The following VMA22 variants were observed in gnomAD, a reference collection of about 807,000 sequenced individuals.
The protein encoded by VMA22 is vacuolar ATPase assembly protein VMA22.
chr2:130,339,574 C>T, the VMA22 span: 27 of 1,288,010 alleles, frequency 2.1e-5, no homozygotes, highest in Non-Finnish European at 2.7e-5. Flanking sequence ...TCTCCCTCCA[C>T]TTCTTTTCTC....
chr2:130,339,540 C>T, the VMA22 span: 2 of 1,273,062 alleles, frequency 1.6e-6, no homozygotes, highest in Non-Finnish European at 2.0e-6. Context: ...CCCATTATTA[C>T]AGCATCTCTC....
the VMA22 span, chr2:130,342,331 C>A: frequency 1.1e-6 from 1 of 895,818 alleles, no homozygotes; most frequent in Non-Finnish European, 1.7e-6. Flanking sequence ...CAACTGGTTT[C>A]TCCAATTAGC....
At chr2:130,342,679 G>T in the VMA22 span, 1 of 533,288 alleles carries the variant, frequency 1.9e-6, no homozygotes, top group East Asian at 2.9e-5. Context: ...ATATTTATTA[G>T]CTGCGGTCCT....
At chr2:130,342,288 C>A in the VMA22 span, 1 of 1,386,062 alleles carries the variant, frequency 7.2e-7, no homozygotes, top group Non-Finnish European at 9.8e-7. Context: ...TAAGGGCAAG[C>A]GCCCTTAGAG....
At chr2:130,339,903 A>G in the VMA22 span, 1 of 1,110,202 alleles carries the variant, frequency 9.0e-7, no homozygotes, top group South Asian at 1.5e-5. Flanking sequence ...AAACTTTGGA[A>G]TTTAAACACC....
chr2:130,341,695 G>T, the VMA22 span: 4 of 1,611,740 alleles, frequency 2.5e-6, no homozygotes, highest in South Asian at 1.1e-5. Flanking sequence ...CCTCCTCTGG[G>T]GCGTGGACAC....
chr2:130,342,472 C>A, the VMA22 span: 1 of 521,684 alleles, frequency 1.9e-6, no homozygotes, highest in South Asian at 3.0e-5. Context: ...CTACAGAAAC[C>A]ATTTTGGTTG....
the VMA22 span, chr2:130,342,359 T>G: frequency 1.1e-5 from 8 of 715,206 alleles, no homozygotes; most frequent in African/African-American, 1.8e-5. Context: ...TGGATCAGCC[T>G]GCTGAACTGT....
the VMA22 span, chr2:130,341,395 C>T: frequency 1.8e-6 from 1 of 552,440 alleles, no homozygotes; most frequent in Non-Finnish European, 3.2e-6. Context: ...AAGTTTGTCC[C>T]TCTGAAACTA....
the VMA22 span, chr2:130,338,630 C>T: frequency 1.3e-5 from 2 of 153,610 alleles, no homozygotes; most frequent in African/African-American, 4.8e-5. Context: ...CTGGCTTAGA[C>T]CCTGCCAAGG....
the VMA22 span, chr2:130,342,530 C>A: frequency 2.2e-6 from 1 of 462,958 alleles, no homozygotes; most frequent in Non-Finnish European, 3.9e-6. Context: ...CGGCAAGCAA[C>A]CTTCAGTCGG....
At chr2:130,341,933 C>T in the VMA22 span, 7 of 1,613,510 alleles carry the variant, frequency 4.3e-6, no homozygotes, top group Non-Finnish European at 5.9e-6. Context: ...CCTTGGCGAG[C>T]GAGAGCCAGC....
chr2:130,341,693 G>T, the VMA22 span: 1 of 1,611,732 alleles, frequency 6.2e-7, no homozygotes, highest in Non-Finnish European at 8.5e-7. Flanking sequence ...CACCTCCTCT[G>T]GGGCGTGGAC....
the VMA22 span, chr2:130,342,246 CG>C: frequency 1.9e-6 from 3 of 1,543,650 alleles, no homozygotes; most frequent in Non-Finnish European, 2.6e-6. Flanking sequence ...ATCCCCACGC[CG>C]GCAGCACCAA....
chr2:130,342,387 G>C, the VMA22 span: 2 of 607,058 alleles, frequency 3.3e-6, no homozygotes, highest in Non-Finnish European at 5.7e-6. Flanking sequence ...GGTTATAGGT[G>C]GTTCTGAGTC....
chr2:130,341,046 A>G, the VMA22 span: 5 of 1,595,974 alleles, frequency 3.1e-6, no homozygotes, highest in Non-Finnish European at 4.3e-6. Context: ...AGACCTGAGG[A>G]AAGAAAGGTT....
chr2:130,342,621 G>A, the VMA22 span: 1 of 476,056 alleles, frequency 2.1e-6, no homozygotes, highest in Non-Finnish European at 3.8e-6. Flanking sequence ...ACTGCATTCT[G>A]CACGGCGGTG....
the VMA22 span, chr2:130,339,727 C>G: frequency 7.7e-7 from 1 of 1,304,138 alleles, no homozygotes; most frequent in Non-Finnish European, 1.0e-6. Flanking sequence ...ATCACTCGCT[C>G]CAGGAAACAC....
chr2:130,340,211 G>C, the VMA22 span: 1 of 163,254 alleles, frequency 6.1e-6, no homozygotes, highest in African/African-American at 2.4e-5. Context: ...ACCTGTGCAG[G>C]TTCCCACCAC....
Sources: gnomAD v4.1 joint callset for allele counts on GRCh38, gnomAD v4.1.1 for gene constraint, MANE v1.5 for transcripts, NCBI Gene and HGNC (gene_info 2026-07-23, HGNC 2026-07-21) for gene names.